The following PRR27 variants were observed in gnomAD, a reference collection of about 807,000 sequenced individuals.
The protein encoded by PRR27 is proline-rich protein 27.
A neutral mutation model predicts 16.8 loss-of-function variants in PRR27; 12 were observed. That is an observed-to-expected ratio of 0.71 (90% confidence interval 0.46 to 1.16). The LOEUF (loss-of-function observed/expected upper bound fraction) is 1.16, where lower values mean the gene tolerates loss of function less well. Among genes scored for constraint, PRR27 ranks in the 50% most tolerant of loss-of-function variants. The pLI is 0.00. For synonymous variants in PRR27, 100 were observed against 98.4 expected (o/e 1.02, Z -0.10); for missense variants, 277 against 273.3 (o/e 1.01, Z -0.10).
chr4:70,161,467 A>C (rs1469069107), intron 3 of PRR27, 119 bp from the exon 4 acceptor site: 1 of 577,520 alleles, frequency 1.7e-6, no homozygotes, highest in East Asian at 3.0e-5. Flanking sequence ...TGTTAAGAAG[A>C]GATCAGCAAA....
chr4:70,160,726 A>G (rs946737313), intron 3 of PRR27, among the ~76,000 whole-genome samples: 22 of 103,968 alleles, frequency 2.1e-4, no homozygotes, highest in Non-Finnish European at 1.0e-4. Flanking sequence ...AAACTTTTAG[A>G]AAAACAATTG....
rs372651799 is a variant in PRR27 at position 70,158,438 on chromosome 4, C to A, written c.186C>A (p.Tyr62Ter). 3 of 1,613,340 alleles carry A rather than the reference C, an allele frequency of 1.9e-6. No homozygotes were observed. In the African/African-American group the frequency reaches 4.0e-5, roughly 22 times the overall value. ...GCCCAGTGAATACAGTCCCCAGTTA[C>A]CCTGGGAATACTTACACTGACACAG... Reference protein sequence around the residue: ...YYRPVNTVPSYPGNTYTDTGL... With the variant: ...YYRPVNTVPS The change falls in exon 3 of 5, where the codon TAC becomes TAA. Residue 62 changes from tyrosine (Y) to a stop codon, truncating the protein, a stop_gained. Coordinates refer to ENST00000344526, the MANE Select transcript of PRR27 (RefSeq NM_214711.4). LOFTEE classifies it high-confidence loss of function.
chr4:70,159,922 C>G (rs1342336954), intron 3 of PRR27, among the ~76,000 whole-genome samples: 1 of 151,946 alleles, frequency 6.6e-6, no homozygotes, highest in South Asian at 2.1e-4. Flanking sequence ...TTGTGAGTAC[C>G]AATTGTTGTT....
At position 70,166,044 on chromosome 4, in the gene PRR27, A is replaced by G. The variant is rs1227826421; in HGVS notation, c.*3383A>G. 2 of 152,098 alleles carry G rather than the reference A, an allele frequency of 1.3e-5. No individual in the cohort carries two copies. Among genetic ancestry groups the G allele is most frequent in the African/African-American group, 4.8e-5 (2 of 41,448 alleles). 9.4% of individuals were successfully genotyped at this position (152,098 alleles called of 1,614,324 possible). On this transcript the variant is annotated 3_prime_UTR_variant, in exon 5 of 5. Transcript: ENST00000344526. ...ACTTAATATATAAAAGAGTTTTATG[A>G]GTTTTAAAAATGTATATAAACAAGA...
chr4:70,160,755 AAT>A lies in PRR27; in HGVS notation c.649-830_649-829del, dbSNP rs1299077730. On this transcript the variant is annotated intron_variant, in intron 3 of 4. Coordinates refer to ENST00000344526, the MANE Select transcript of PRR27 (RefSeq NM_214711.4). Reference sequence around the variant, plus strand: ...ACAATTGTTTTCAGACAAAAAAAAAAATGTAAGAAGCAGCTAGTCCCTAAATT... The same window carrying A: ...ACAATTGTTTTCAGACAAAAAAAAAAGTAAGAAGCAGCTAGTCCCTAAATT... Among the ~76,000 whole-genome samples the A allele has an allele frequency of 1.4e-4, 22 of 151,862 alleles. 1 individual carries two copies. The highest frequency in any genetic ancestry group is 1.4e-3 in the Admixed American group (22 of 15,232).
In PRR27 at chr4:70,165,120, G is replaced by A. The variant is rs1398193331; in HGVS notation, c.*2459G>A. Reference sequence around the variant, plus strand: ...AAAGGTAAACACTAACATTTGAATTGAGGTAATTTCCACTGTGGAAAACAA... The same window carrying A: ...AAAGGTAAACACTAACATTTGAATTAAGGTAATTTCCACTGTGGAAAACAA... On this transcript the variant is annotated 3_prime_UTR_variant, in exon 5 of 5. Coordinates refer to ENST00000344526, the MANE Select transcript of PRR27 (RefSeq NM_214711.4). 2.6e-5 allele frequency: 4 copies of A among 152,016 alleles called. No homozygotes were observed. Among genetic ancestry groups the A allele is most frequent in the Non-Finnish European group, 5.9e-5 (4 of 67,936 alleles). The allele number at this position is 152,016 out of a possible 1,614,324, so 9.4% of individuals were successfully genotyped here.
In PRR27 at chr4:70,158,425, C is replaced by T; in HGVS notation, c.173C>T (p.Thr58Ile). 1.9e-6 allele frequency: 3 copies of T among 1,613,268 alleles called. No individual in the cohort carries two copies. The highest frequency in any genetic ancestry group is 2.5e-6 in the Non-Finnish European group (3 of 1,179,262). ...CCTCTTTATTATCGCCCAGTGAATA[C>T]AGTCCCCAGTTACCCTGGGAATACT... Reference protein sequence around the residue: ...PPPLYYRPVNTVPSYPGNTYT... With the variant: ...PPPLYYRPVNIVPSYPGNTYT... The change falls in exon 3 of 5, where the codon ACA becomes ATA. Residue 58 changes from threonine to isoleucine, a missense_variant. Physicochemically the swap from Thr to Ile is moderately conservative, Grantham distance 89. Transcript: ENST00000344526.
intron 1 of PRR27, chr4:70,154,758 G>A (rs1016882258): frequency 4.2e-5 from 55 of 1,324,564 alleles, no homozygotes; most frequent in Middle Eastern, 2.0e-4. Context: ...TGCTGGATTG[G>A]GCTTCCTATG....
intron 3 of PRR27, among the ~76,000 whole-genome samples, chr4:70,160,154 C>A (rs1387124546): frequency 6.6e-6 from 1 of 152,092 alleles, no homozygotes; most frequent in Non-Finnish European, 1.5e-5. Context: ...TGGTAGTGAG[C>A]ACACTACCCA....
At chr4:70,158,968 A>C (rs1385761699) in intron 3 of PRR27, 68 bp downstream of exon 3, 6 of 1,326,182 alleles carry the variant, frequency 4.5e-6, no homozygotes, top group Middle Eastern at 2.0e-4. Flanking sequence ...AAAAAAAAAA[A>C]CCACTCCCCA....
intron 3 of PRR27, among the ~76,000 whole-genome samples, chr4:70,161,308 A>G (rs1290191199): frequency 2.7e-5 from 4 of 150,686 alleles, no homozygotes; most frequent in African/African-American, 9.8e-5. Context: ...AGAACCTGAT[A>G]AGAAGGGACC....
In PRR27 at chr4:70,156,442, A is replaced by G. The variant is rs116017179; in HGVS notation, c.75+365A>G. ...ATGAATCTGGAGATGCTCTGTCTGC[A>G]TGAAGGGTTAGAGCAAGAGAAAGCA... On this transcript the variant is annotated intron_variant, in intron 2 of 4. Transcript: ENST00000344526. Among the ~76,000 whole-genome samples the G allele has an allele frequency of 3.9e-3, 589 of 152,288 alleles. 6 individuals carry two copies. Among genetic ancestry groups the G allele is most frequent in the African/African-American group, 0.012 (496 of 41,550 alleles).
chr4:70,154,467 C>T lies in PRR27; in HGVS notation c.51+41C>T, dbSNP rs768745037. ...TCCAAAATTGTAACAATTGTATAAC[C>T]ATTTGCTAATTGTTTATAGGCATTT... is the stretch of plus-strand genomic sequence containing the variant. On this transcript the variant is annotated intron_variant, in intron 1 of 4. Transcript: ENST00000344526. 2.0e-6 allele frequency: 3 copies of T among 1,480,634 alleles called. No homozygotes were observed. The Admixed American group carries it at 5.0e-5, about 25-fold the overall frequency. The allele number at this position is 1,480,634 out of a possible 1,614,324, so 91.7% of individuals were successfully genotyped here. A position where few individuals can be genotyped will look rare whatever the true frequency, so the allele number is the denominator to read the frequency against.
Position 70,154,816 on chromosome 4 carries a change from T to C in PRR27, c.51+390T>C, listed in dbSNP as rs1228850758. 4 of 1,261,084 alleles carry C rather than the reference T, an allele frequency of 3.2e-6. No homozygotes were observed. In the South Asian group the frequency reaches 3.7e-5, roughly 12 times the overall value. 78.1% of individuals were successfully genotyped at this position (1,261,084 alleles called of 1,614,324 possible). On this transcript the variant is annotated intron_variant, in intron 1 of 4. Transcript: ENST00000344526. ...GGTATTTATGTACAGACATTAGGGA[T>C]ACTTGATGGAATAGAAGTAAATGCA...
chr4:70,155,593 C>T (rs1327521092), intron 1 of PRR27, among the ~76,000 whole-genome samples: 2 of 152,252 alleles, frequency 1.3e-5, no homozygotes, highest in South Asian at 2.1e-4. Flanking sequence ...TGGTTTCGAT[C>T]TCCTGACCTC....
intron 3 of PRR27, among the ~76,000 whole-genome samples, chr4:70,161,139 GGGGTATTAT>G (rs1728636134): frequency 9.0e-6 from 1 of 110,724 alleles, no homozygotes; most frequent in Non-Finnish European, 1.8e-5. Flanking sequence ...TCCATCTGCT[GGGGTATTAT>G]GAACACTGTA....
chr4:70,161,179 T>TACAC (rs1553902907), intron 3 of PRR27, among the ~76,000 whole-genome samples: 7 of 107,702 alleles, frequency 6.5e-5, no homozygotes, highest in South Asian at 2.9e-4. Context: ...TATATATATA[T>TACAC]ACACACATAC....
Position 70,154,345 on chromosome 4 carries a change from T to C in PRR27, c.-31T>C. ...TGCGTATTTTCTAAAACAATAAATT[T>C]ATAGTGTTAATATTCATAGGGTCAA... is the stretch of plus-strand genomic sequence containing the variant. On this transcript the variant is annotated 5_prime_UTR_variant, in exon 1 of 5. Transcript: ENST00000344526. 1.3e-6 allele frequency: 2 copies of C among 1,531,110 alleles called. No individual in the cohort carries two copies. The highest frequency in any genetic ancestry group is 1.1e-5 in the South Asian group (1 of 87,748). 94.8% of individuals were successfully genotyped at this position (1,531,110 alleles called of 1,614,324 possible). A position where few individuals can be genotyped will look rare whatever the true frequency, so the allele number is the denominator to read the frequency against.
chr4:70,157,091 A>C (rs1208004625), intron 2 of PRR27, among the ~76,000 whole-genome samples: 1 of 152,148 alleles, frequency 6.6e-6, no homozygotes, highest in Non-Finnish European at 1.5e-5. Flanking sequence ...ACCTGGGGAC[A>C]TATATTACTT....
Sources: allele counts gnomAD v4.1 joint callset (sites outside exome capture counted in the v4.1 genomes callset), GRCh38; gene constraint gnomAD v4.1.1; transcripts MANE v1.5; gene names NCBI Gene and HGNC (gene_info 2026-07-23, HGNC 2026-07-21).